NAALADL2: variants seen among roughly 807,000 people sequenced by gnomAD.
NAALADL2 encodes the protein inactive N-acetylated-alpha-linked acidic dipeptidase-like protein 2.
Under a neutral mutation model 87.2 loss-of-function variants are expected in NAALADL2, and 76 were observed. The ratio of observed to expected loss-of-function variants is 0.87; its 90% CI spans 0.72 to 1.05. NAALADL2 has a LOEUF of 1.05. NAALADL2 is among the 50% of genes least tolerant of loss of function. The pLI, the probability that NAALADL2 is intolerant of heterozygous loss-of-function variation, is 0.00. For synonymous variants in NAALADL2, 354 were observed against 331.0 expected (o/e 1.07, Z -0.75); for missense variants, 1,089 against 945.8 (o/e 1.15, Z -1.99).
intron 2 of NAALADL2, among the ~76,000 whole-genome samples, chr3:175,231,579 T>C (rs1472879816): frequency 1.3e-5 from 2 of 152,066 alleles, no homozygotes; most frequent in Admixed American, 1.3e-4. Flanking sequence ...AGTATAAACA[T>C]TCAATGTTTT....
At chr3:174,742,731 G>A (rs1733877288) in intron 3 of NAALADL2, among the ~76,000 whole-genome samples, 2 of 151,472 alleles carry the variant, frequency 1.3e-5, no homozygotes, top group Non-Finnish European at 3.0e-5. Context: ...TTTTAATGAT[G>A]TTTCTGTTTT....
intron 5 of NAALADL2, among the ~76,000 whole-genome samples, chr3:175,398,504 C>T (rs1478952907): frequency 6.6e-6 from 1 of 151,768 alleles, no homozygotes; most frequent in Non-Finnish European, 1.5e-5. Context: ...TGCTTTAGGG[C>T]TAAGTTACTC....
At chr3:175,797,147 G>T (rs1223408727) in intron 13 of NAALADL2, among the ~76,000 whole-genome samples, 1 of 151,974 alleles carries the variant, frequency 6.6e-6, no homozygotes. Flanking sequence ...TTTCATTAGT[G>T]TCATCAATAA....
chr3:175,642,348 C>A (rs996232262), intron 11 of NAALADL2, among the ~76,000 whole-genome samples: 5 of 152,100 alleles, frequency 3.3e-5, no homozygotes, highest in Non-Finnish European at 7.4e-5. Flanking sequence ...TAATGCTTTT[C>A]TTGATTACTC....
chr3:174,699,611 A>G (rs1729364359), intron 2 of NAALADL2, among the ~76,000 whole-genome samples: 3 of 152,048 alleles, frequency 2.0e-5, no homozygotes, highest in Admixed American at 1.3e-4. Flanking sequence ...TTAATTTTTG[A>G]TAACAAAATG....
chr3:174,957,463 G>A (rs2108538512), intron 1 of NAALADL2, among the ~76,000 whole-genome samples: 1 of 152,138 alleles, frequency 6.6e-6, no homozygotes, highest in South Asian at 2.1e-4. Flanking sequence ...ATTTTGAGTA[G>A]TATTTTTGTT....
chr3:175,225,513 G>A (rs1475205256), intron 2 of NAALADL2, among the ~76,000 whole-genome samples: 1 of 151,964 alleles, frequency 6.6e-6, no homozygotes, highest in Non-Finnish European at 1.5e-5. Flanking sequence ...AATAATCTTT[G>A]TGTTAATGAC....
intron 5 of NAALADL2, among the ~76,000 whole-genome samples, chr3:175,384,624 C>T (rs1385112519): frequency 6.6e-6 from 1 of 151,840 alleles, no homozygotes; most frequent in Non-Finnish European, 1.5e-5. Context: ...ATTATCCACA[C>T]ACCCATTGCT....
chr3:174,942,552 G>C (rs1017545145), intron 1 of NAALADL2, among the ~76,000 whole-genome samples: 1 of 151,940 alleles, frequency 6.6e-6, no homozygotes, highest in African/African-American at 2.4e-5. Flanking sequence ...GGAGTTTTCT[G>C]TGTTTCCTGA....
At chr3:175,010,484 GT>G (rs1285229736) in intron 1 of NAALADL2, among the ~76,000 whole-genome samples, 1 of 152,086 alleles carries the variant, frequency 6.6e-6, no homozygotes, top group Non-Finnish European at 1.5e-5. Context: ...GCTTCCAAAT[GT>G]TTGTTTTGGC....
At chr3:174,687,086 G>A (rs539136815) in intron 2 of NAALADL2, among the ~76,000 whole-genome samples, 34 of 152,028 alleles carry the variant, frequency 2.2e-4, no homozygotes, top group Admixed American at 2.2e-3. Context: ...TACAATGCCT[G>A]TACAATGGAA....
intron 2 of NAALADL2, among the ~76,000 whole-genome samples, chr3:175,123,350 G>A (rs890865726): frequency 6.6e-6 from 1 of 151,824 alleles, no homozygotes; most frequent in Non-Finnish European, 1.5e-5. Flanking sequence ...AGATGGTAGG[G>A]CAATGGTCCC....
intron 3 of NAALADL2, among the ~76,000 whole-genome samples, chr3:174,830,160 C>T (rs1467075024): frequency 7.4e-6 from 1 of 135,180 alleles, no homozygotes; most frequent in Non-Finnish European, 1.6e-5. Flanking sequence ...GTTGCCATTG[C>T]TTTTGGTGTT....
At chr3:175,122,330 C>T (rs1325602571) in intron 2 of NAALADL2, among the ~76,000 whole-genome samples, 1 of 151,820 alleles carries the variant, frequency 6.6e-6, no homozygotes, top group Non-Finnish European at 1.5e-5. Flanking sequence ...CCAGTGCAAT[C>T]CCCCAATTTC....
intron 1 of NAALADL2, among the ~76,000 whole-genome samples, chr3:174,960,280 T>C (rs1741785068): frequency 6.6e-6 from 1 of 152,110 alleles, no homozygotes; most frequent in Admixed American, 6.6e-5. Flanking sequence ...GCTCTATTAT[T>C]GGGTATGTCA....
At chr3:175,140,080 G>C (rs898686236) in intron 2 of NAALADL2, among the ~76,000 whole-genome samples, 6 of 152,084 alleles carry the variant, frequency 3.9e-5, no homozygotes, top group African/African-American at 1.4e-4. Context: ...GGCAAACCTG[G>C]CTTTGAATCT....
intron 2 of NAALADL2, among the ~76,000 whole-genome samples, chr3:174,552,750 C>G (rs1281215477): frequency 1.5e-5 from 2 of 131,058 alleles, no homozygotes; most frequent in Non-Finnish European, 3.1e-5. Flanking sequence ...GAGGTGAGAT[C>G]GTGCCACTGA....
chr3:174,742,698 T>C (rs1448560229), intron 3 of NAALADL2, among the ~76,000 whole-genome samples: 1 of 151,664 alleles, frequency 6.6e-6, no homozygotes, highest in Non-Finnish European at 1.5e-5. Flanking sequence ...ACAAATGACA[T>C]GTGTGAGAAA....
intron 2 of NAALADL2, among the ~76,000 whole-genome samples, chr3:174,607,611 A>T (rs1192149734): frequency 6.6e-6 from 1 of 151,950 alleles, no homozygotes; most frequent in East Asian, 1.9e-4. Context: ...CAACAAGAAG[A>T]GCTAACTATC....
Sources: gnomAD v4.1 joint callset for allele counts (sites outside exome capture counted in the v4.1 genomes callset) on GRCh38, gnomAD v4.1.1 for gene constraint, MANE v1.5 for transcripts, NCBI Gene and HGNC (gene_info 2026-07-23, HGNC 2026-07-21) for gene names.